The following EXT1 variants were observed in gnomAD, a reference collection of about 807,000 sequenced individuals.
EXT1 encodes exostosin glycosyltransferase 1.
Under a neutral mutation model 82.5 loss-of-function variants are expected in EXT1, and 20 were observed. The observed-to-expected ratio is 0.24, with a 90% CI of 0.17 to 0.35. The LOEUF is 0.35. Ranked by LOEUF, EXT1 falls within the 10% of genes least tolerant of loss-of-function variation. The probability of loss-of-function intolerance (pLI) is 1.00; values close to 1 mark genes in which losing one functional copy is unlikely to be tolerated. For synonymous variants in EXT1, 348 were observed against 350.8 expected (o/e 0.99, Z 0.09); for missense variants, 757 against 936.5 (o/e 0.81, Z 2.50).
At chr8:118,103,960 C>G (rs966714605) in intron 1 of EXT1, among the ~76,000 whole-genome samples, 1 of 152,144 alleles carries the variant, frequency 6.6e-6, no homozygotes. Context: ...TCACGCTTCA[C>G]GTATTAAAAG....
At chr8:117,838,330 T>C (rs565132477) in intron 1 of EXT1, among the ~76,000 whole-genome samples, 5 of 152,340 alleles carry the variant, frequency 3.3e-5, no homozygotes, top group Admixed American at 1.3e-4. Flanking sequence ...CTCTTCTTTT[T>C]GGGTATATTG....
chr8:117,828,400 T>C (rs1812042034), intron 4 of EXT1, among the ~76,000 whole-genome samples: 1 of 151,684 alleles, frequency 6.6e-6, no homozygotes, highest in African/African-American at 2.4e-5. Flanking sequence ...AAATGAAAAA[T>C]TAGCCAGGCA....
intron 7 of EXT1, among the ~76,000 whole-genome samples, chr8:117,814,453 T>C (rs1245890588): frequency 3.3e-5 from 5 of 152,118 alleles, no homozygotes; most frequent in African/African-American, 4.8e-5. Flanking sequence ...GTCCTTCATA[T>C]ATATCATCGT....
chr8:117,844,303 C>G (rs180680047), intron 1 of EXT1, among the ~76,000 whole-genome samples: 1 of 151,910 alleles, frequency 6.6e-6, no homozygotes, highest in Non-Finnish European at 1.5e-5. Context: ...CAGGCATGTA[C>G]CACCATGTCA....
At chr8:117,905,995 G>C (rs1035240128) in intron 1 of EXT1, among the ~76,000 whole-genome samples, 1 of 152,098 alleles carries the variant, frequency 6.6e-6, no homozygotes, top group South Asian at 2.1e-4. Flanking sequence ...ACAGGCTGTG[G>C]TACTGAGATT....
chr8:118,093,475 T>TA (rs1472174525), intron 1 of EXT1, among the ~76,000 whole-genome samples: 5 of 152,158 alleles, frequency 3.3e-5, no homozygotes, highest in African/African-American at 1.2e-4. Context: ...CAGTGGATGT[T>TA]AGAGAACCCT....
chr8:117,848,864 C>T (rs1302577135), intron 1 of EXT1, among the ~76,000 whole-genome samples: 1 of 152,140 alleles, frequency 6.6e-6, no homozygotes, highest in Admixed American at 6.5e-5. Flanking sequence ...TATAGAGCAG[C>T]CAAAGACAAC....
intron 2 of EXT1, among the ~76,000 whole-genome samples, chr8:117,835,759 A>G (rs574276964): frequency 6.6e-6 from 1 of 152,228 alleles, no homozygotes; most frequent in Non-Finnish European, 1.5e-5. Context: ...AATATTTGCA[A>G]GTCTTGCCCT....
chr8:117,802,508 C>A (rs2129687530), intron 10 of EXT1, among the ~76,000 whole-genome samples: 1 of 152,168 alleles, frequency 6.6e-6, no homozygotes, highest in South Asian at 2.1e-4. Context: ...TTACAACTGC[C>A]TACAGTATTC....
intron 1 of EXT1, among the ~76,000 whole-genome samples, chr8:118,018,329 T>C (rs960220663): frequency 9.9e-5 from 15 of 152,016 alleles, no homozygotes; most frequent in African/African-American, 3.6e-4. Flanking sequence ...TGTATGCACA[T>C]ACACACGGGA....
At chr8:117,963,793 A>G (rs189771870) in intron 1 of EXT1, among the ~76,000 whole-genome samples, 160 of 152,130 alleles carry the variant, frequency 1.1e-3, no homozygotes, top group Non-Finnish European at 2.1e-3. Context: ...CCCGGCCCCT[A>G]TTGAGGTTAA....
At chr8:118,001,373 C>T (rs1815661287) in intron 1 of EXT1, among the ~76,000 whole-genome samples, 1 of 151,936 alleles carries the variant, frequency 6.6e-6, no homozygotes, top group African/African-American at 2.4e-5. Context: ...TTAGTAGAGA[C>T]GGGGTTTCGC....
At chr8:117,864,409 G>A (rs971203818) in intron 1 of EXT1, among the ~76,000 whole-genome samples, 1 of 152,038 alleles carries the variant, frequency 6.6e-6, no homozygotes, top group Non-Finnish European at 1.5e-5. Context: ...AATTGTCTTG[G>A]GCCACACATA....
At chr8:118,097,002 G>GC (rs1817631333) in intron 1 of EXT1, among the ~76,000 whole-genome samples, 1 of 152,176 alleles carries the variant, frequency 6.6e-6, no homozygotes, top group Non-Finnish European at 1.5e-5. Context: ...CGGGCATGGT[G>GC]CTGAGGCTCT....
In EXT1 at chr8:117,967,023, C is replaced by T. The variant is rs1047334008; in HGVS notation, c.963-129822G>A. 3.3e-5 allele frequency among the ~76,000 whole-genome samples: 5 copies of T among 152,158 alleles called. No homozygotes were observed. The South Asian group carries it at 1.0e-3, about 32-fold the overall frequency. On this transcript the variant is annotated intron_variant, in intron 1 of 10. Transcript: ENST00000378204. ...CGTTTTAAACAAACCCTCAACCTGC[C>T]CAAATGAAAAACATTTTGCTTCCTC...
At chr8:117,829,603 TG>T (rs1204656438) in intron 4 of EXT1, among the ~76,000 whole-genome samples, 19 of 136,268 alleles carry the variant, frequency 1.4e-4, no homozygotes, top group African/African-American at 4.9e-4. Flanking sequence ...GGTGGAGTTT[TG>T]CTCTTGTTGC....
chr8:118,008,094 G>A (rs764567594), intron 1 of EXT1, among the ~76,000 whole-genome samples: 1 of 152,086 alleles, frequency 6.6e-6, no homozygotes, highest in South Asian at 2.1e-4. Flanking sequence ...CAGGCCCAGG[G>A]ATGTGTGACG....
At chr8:117,863,830 C>T (rs909828412) in intron 1 of EXT1, among the ~76,000 whole-genome samples, 10 of 152,134 alleles carry the variant, frequency 6.6e-5, no homozygotes, top group Non-Finnish European at 1.2e-4. Context: ...CTTTAAGAAG[C>T]CCCGCAGAGC....
chr8:118,060,103 T>C (rs1032926913), intron 1 of EXT1, among the ~76,000 whole-genome samples: 2 of 152,200 alleles, frequency 1.3e-5, no homozygotes, highest in Non-Finnish European at 2.9e-5. Context: ...AAGGTTTCAG[T>C]ATTTCACAAG....
Sources: allele counts gnomAD v4.1 joint callset (sites outside exome capture counted in the v4.1 genomes callset), GRCh38; gene constraint gnomAD v4.1.1; transcripts MANE v1.5; gene names NCBI Gene and HGNC (gene_info 2026-07-23, HGNC 2026-07-21).